GPR180: variants seen among roughly 807,000 people sequenced by gnomAD.
The protein encoded by GPR180 is integral membrane protein GPR180.
A neutral mutation model predicts 52.6 loss-of-function variants in GPR180; 53 were observed. That is an observed-to-expected ratio of 1.01 (90% CI 0.81 to 1.27). The LOEUF (loss-of-function observed/expected upper bound fraction) is 1.27. Ranked by LOEUF, GPR180 falls within the 50% of genes most tolerant of loss-of-function variation. The pLI is 0.00. For missense variants in GPR180, 533 were observed against 527.0 expected, an observed-to-expected ratio of 1.01 and a Z score of -0.11; for synonymous variants, 200 against 193.1, an observed-to-expected ratio of 1.04 and a Z score of -0.30.
chr13:94,630,650 C>T lies in GPR180; in HGVS notation c.*3479C>T, dbSNP rs1017889727. 1 of 152,092 alleles carries T rather than the reference C, an allele frequency of 6.6e-6. No homozygotes were observed. Among genetic ancestry groups the T allele is most frequent in the African/African-American group, 2.4e-5 (1 of 41,408 alleles). 9.4% of individuals were successfully genotyped at this position (152,092 alleles called of 1,614,324 possible). A position where few individuals can be genotyped will look rare whatever the true frequency, so the allele number is the denominator to read the frequency against. Reference sequence around the variant, plus strand: ...ATATCCCAGCCTCATTGTCCTTCATCAAAAAAAGATCTAGCTTATATCACA... The same window carrying T: ...ATATCCCAGCCTCATTGTCCTTCATTAAAAAAAGATCTAGCTTATATCACA... On this transcript the variant is annotated 3_prime_UTR_variant, in exon 9 of 9. Coordinates refer to ENST00000376958, the MANE Select transcript of GPR180 (RefSeq NM_180989.6).
chr13:94,622,238 T>G (rs1339997277), intron 6 of GPR180, among the ~76,000 whole-genome samples: 2 of 152,216 alleles, frequency 1.3e-5, no homozygotes, highest in African/African-American at 4.8e-5. Flanking sequence ...TTCTACCAAC[T>G]TAATGTTTTT....
At chr13:94,617,061 T>A (rs1566979673) in intron 3 of GPR180, among the ~76,000 whole-genome samples, 1 of 152,192 alleles carries the variant, frequency 6.6e-6, no homozygotes, top group Non-Finnish European at 1.5e-5. Context: ...CTTTGAATAA[T>A]CCTAAGACAT....
intron 2 of GPR180, among the ~76,000 whole-genome samples, chr13:94,606,122 T>C (rs1889627114): frequency 6.6e-6 from 1 of 152,156 alleles, no homozygotes; most frequent in Non-Finnish European, 1.5e-5. Flanking sequence ...TGAAACCCCG[T>C]CTCTACTAAA....
intron 1 of GPR180, among the ~76,000 whole-genome samples, chr13:94,605,069 A>G (rs1190103528): frequency 6.6e-6 from 1 of 152,228 alleles, no homozygotes; most frequent in African/African-American, 2.4e-5. Context: ...TAGATTATGA[A>G]TAAAATATAA....
chr13:94,611,130 C>T (rs1889697872), intron 2 of GPR180, among the ~76,000 whole-genome samples: 1 of 152,102 alleles, frequency 6.6e-6, no homozygotes. Flanking sequence ...AGCCAGGATT[C>T]AAACATACAT....
At chr13:94,606,328 A>G (rs576491709) in intron 2 of GPR180, among the ~76,000 whole-genome samples, 1 of 152,188 alleles carries the variant, frequency 6.6e-6, no homozygotes, top group Non-Finnish European at 1.5e-5. Flanking sequence ...CCACCACCAC[A>G]TCATTTGTAT....
In GPR180 at chr13:94,633,806, A is replaced by G. The variant is rs1890030194; in HGVS notation, c.*6635A>G. On this transcript the variant is annotated 3_prime_UTR_variant, in exon 9 of 9. Coordinates refer to ENST00000376958, the MANE Select transcript of GPR180 (RefSeq NM_180989.6). Reference sequence around the variant, plus strand: ...TTATGTTTAAATGCCCTGTATTTTCATCTAGTGGTTTTATGGTTTTATTTT... The same window carrying G: ...TTATGTTTAAATGCCCTGTATTTTCGTCTAGTGGTTTTATGGTTTTATTTT... The G allele has an allele frequency of 6.6e-6, 1 of 151,368 alleles. No homozygotes were observed. Among genetic ancestry groups the G allele is most frequent in the Non-Finnish European group, 1.5e-5 (1 of 67,814 alleles). 9.4% of individuals were successfully genotyped at this position (151,368 alleles called of 1,614,324 possible).
chr13:94,626,212 AT>A (rs1252710884), intron 8 of GPR180, among the ~76,000 whole-genome samples, 169 bp downstream of exon 8: 1 of 152,186 alleles, frequency 6.6e-6, no homozygotes, highest in African/African-American at 2.4e-5. Flanking sequence ...AGTTTAAAAT[AT>A]TTTTAAAATA....
At chr13:94,603,955 G>A (rs1222547871) in intron 1 of GPR180, among the ~76,000 whole-genome samples, 1 of 152,104 alleles carries the variant, frequency 6.6e-6, no homozygotes, top group African/African-American at 2.4e-5. Flanking sequence ...TAAAAAGGAA[G>A]CCAGACTCGT....
At chr13:94,624,019 A>T (rs1889890854) in intron 7 of GPR180, among the ~76,000 whole-genome samples, 1 of 152,232 alleles carries the variant, frequency 6.6e-6, no homozygotes, top group Non-Finnish European at 1.5e-5. Flanking sequence ...ATCCTTCAGC[A>T]TAAGCAGCTG....
Position 94,628,165 on chromosome 13 carries a change from A to C in GPR180, c.*994A>C, listed in dbSNP as rs1349064807. On this transcript the variant is annotated 3_prime_UTR_variant, in exon 9 of 9. Coordinates refer to ENST00000376958, the MANE Select transcript of GPR180 (RefSeq NM_180989.6). ...CAAAACACTCACTGGATTTGTTATA[A>C]TCCGTGTTGGCACTGGATTCTAAGT... The C allele has an allele frequency of 6.6e-6, 1 of 152,486 alleles. No individual in the cohort carries two copies. The highest frequency in any genetic ancestry group is 1.9e-4 in the East Asian group (1 of 5,194). The allele number at this position is 152,486 out of a possible 1,614,324, so 9.4% of individuals were successfully genotyped here. A position where few individuals can be genotyped will look rare whatever the true frequency, so the allele number is the denominator to read the frequency against.
chr13:94,633,874 A>G lies in GPR180; in HGVS notation c.*6703A>G, dbSNP rs1251109985. On this transcript the variant is annotated 3_prime_UTR_variant, in exon 9 of 9. Coordinates refer to ENST00000376958, the MANE Select transcript of GPR180 (RefSeq NM_180989.6). The stretch of plus-strand genomic sequence containing the variant: ...ACCTGGAATTTATTTTGCTGTTAAA[A>G]TATGAATTAGAGATCCAACTTAATT... 1 of 152,082 alleles carries G rather than the reference A, an allele frequency of 6.6e-6. No homozygotes were observed. Among genetic ancestry groups the G allele is most frequent in the Non-Finnish European group, 1.5e-5 (1 of 68,012 alleles). 9.4% of individuals were successfully genotyped at this position (152,082 alleles called of 1,614,324 possible). A position where few individuals can be genotyped will look rare whatever the true frequency, so the allele number is the denominator to read the frequency against.
Position 94,623,151 on chromosome 13 carries a change from C to T in GPR180, c.937C>T (p.His313Tyr). 6.2e-7 allele frequency: 1 copy of T among 1,613,882 alleles called. No homozygotes were observed. Among genetic ancestry groups the T allele is most frequent in the Non-Finnish European group, 8.5e-7 (1 of 1,179,914 alleles). Residue 313 changes from histidine to tyrosine, a missense_variant, in exon 7 of 9, where the codon CAT becomes TAT. By Grantham distance (83) the His-to-Tyr change is moderately conservative. Coordinates refer to ENST00000376958, the MANE Select transcript of GPR180 (RefSeq NM_180989.6). Reference protein sequence around the residue: ...LWEQFEDISHHSYHSHHNLAG... With the variant: ...LWEQFEDISHYSYHSHHNLAG... ...GGAACAGTTTGAAGATATCAGTCATCATAGCTACCATTCACACCACAACTT... is the reference window on the plus strand; with the variant it reads ...GGAACAGTTTGAAGATATCAGTCATTATAGCTACCATTCACACCACAACTT...
At chr13:94,602,129 G>C (rs1328323574) in intron 1 of GPR180, 57 bp downstream of exon 1, 3 of 1,255,040 alleles carry the variant, frequency 2.4e-6, no homozygotes, top group East Asian at 3.2e-5. Flanking sequence ...CGCCGGCTGA[G>C]TCCGCCGGCC....
chr13:94,605,610 T>C (rs1286505896), intron 2 of GPR180, 61 bp downstream of exon 2: 2 of 1,329,506 alleles, frequency 1.5e-6, no homozygotes, highest in East Asian at 2.3e-5. Flanking sequence ...AATGTTGAAA[T>C]ATAGTACCAT....
At chr13:94,622,883 A>AT (rs1036528726) in intron 6 of GPR180, among the ~76,000 whole-genome samples, 36 of 152,118 alleles carry the variant, frequency 2.4e-4, no homozygotes, top group African/African-American at 8.7e-4. Context: ...CAGCAATAGA[A>AT]TTTTTTAAAA....
At chr13:94,602,280 A>G (rs1166051956) in intron 1 of GPR180, among the ~76,000 whole-genome samples, 1 of 152,206 alleles carries the variant, frequency 6.6e-6, no homozygotes, top group Non-Finnish European at 1.5e-5. Context: ...TTCCAGCCCC[A>G]GGCAGCGGCC....
intron 8 of GPR180, 48 bp from the exon 9 acceptor site, chr13:94,626,965 T>A (rs1171654403): frequency 7.7e-7 from 1 of 1,299,598 alleles, no homozygotes; most frequent in South Asian, 1.4e-5. Flanking sequence ...GAATATTATT[T>A]CTCTATTTCT....
chr13:94,620,956 C>G, intron 5 of GPR180, 122 bp from the exon 6 acceptor site: 1 of 820,548 alleles, frequency 1.2e-6, no homozygotes, highest in Non-Finnish European at 1.9e-6. Context: ...TCGTTAGCTT[C>G]TCTTTGAAAA....
Sources: gnomAD v4.1 joint callset for allele counts (sites outside exome capture counted in the v4.1 genomes callset) on GRCh38, gnomAD v4.1.1 for gene constraint, MANE v1.5 for transcripts, NCBI Gene and HGNC (gene_info 2026-07-23, HGNC 2026-07-21) for gene names.